KDELR1: variants seen among roughly 807,000 people sequenced by gnomAD.
The protein encoded by KDELR1 is ER lumen protein-retaining receptor 1.
KDELR1 carries 16 observed loss-of-function variants against 25.5 expected under a neutral mutation model. The observed-to-expected ratio is 0.63, with a 90% confidence interval of 0.43 to 0.95. The LOEUF (loss-of-function observed/expected upper bound fraction) is 0.95. Ranked by LOEUF, KDELR1 falls within the 40% of genes least tolerant of loss-of-function variation. KDELR1 has a pLI of 0.00. For missense variants in KDELR1, 159 were observed against 265.2 expected, an observed-to-expected ratio of 0.60 and a Z score of 2.78; for synonymous variants, 121 against 115.0, an observed-to-expected ratio of 1.05 and a Z score of -0.33.
chr19:48,389,815 C>T (rs1970526873), intron 2 of KDELR1, 104 bp from the exon 3 acceptor site: 3 of 1,233,262 alleles, frequency 2.4e-6, no homozygotes, highest in Admixed American at 4.2e-5. Flanking sequence ...GGAGTCCAGA[C>T]CCCCAACCCC....
chr19:48,395,434 T>TCTGGAACA (rs1228949523), upstream of KDELR1, among the ~76,000 whole-genome samples: 1 of 151,972 alleles, frequency 6.6e-6, no homozygotes, highest in African/African-American at 2.4e-5. Flanking sequence ...TCCTCAAGGT[T>TCTGGAACA]CTGGAACACC....
At chr19:48,387,065 A>G (rs77802750) in intron 3 of KDELR1, among the ~76,000 whole-genome samples, 2 of 46,716 alleles carry the variant, frequency 4.3e-5, no homozygotes, top group Non-Finnish European at 8.5e-5. Context: ...AGCAAGACTT[A>G]AAAAAAAAAA....
At position 48,382,995 on chromosome 19, in the gene KDELR1, A is replaced by T. The variant is rs533247441; in HGVS notation, c.*298T>A. 3.1e-5 allele frequency: 14 copies of T among 457,110 alleles called. No individual in the cohort carries two copies. The South Asian group carries it at 3.4e-4, about 11-fold the overall frequency. 28.3% of individuals were successfully genotyped at this position (457,110 alleles called of 1,614,324 possible). On this transcript the variant is annotated 3_prime_UTR_variant, in exon 5 of 5. Coordinates refer to ENST00000330720, the MANE Select transcript of KDELR1 (RefSeq NM_006801.3). Reference sequence around the variant, plus strand: ...CCCGGCCCATAGGACACTCAAAAACACTTTATAAAAATTGGGGCCACAGAG... The same window carrying T: ...CCCGGCCCATAGGACACTCAAAAACTCTTTATAAAAATTGGGGCCACAGAG...
intron 3 of KDELR1, among the ~76,000 whole-genome samples, chr19:48,389,218 C>T (rs1487811308): frequency 5.9e-5 from 9 of 152,120 alleles, no homozygotes; most frequent in South Asian, 4.2e-4. Flanking sequence ...TGCAGTGAGC[C>T]GAGATCATGC....
rs1294671988 is a variant in KDELR1, at chr19:48,384,056, C to T, written c.604+174G>A. Among the ~76,000 whole-genome samples the T allele has an allele frequency of 6.6e-6, 1 of 152,180 alleles. No homozygotes were observed. The highest frequency in any genetic ancestry group is 2.4e-5 in the African/African-American group (1 of 41,438). On this transcript the variant is annotated intron_variant, in intron 4 of 4. Coordinates refer to ENST00000330720, the MANE Select transcript of KDELR1 (RefSeq NM_006801.3). This position sits in a 1 kb window ranked among gnomAD's most constrained non-coding sequence, Gnocchi z 4.6. ...AGAAACTCCTTAGCCCTTAGGGAGG[C>T]AGAGGCTAACGGTCTGAATTCCTAG...
At chr19:48,389,504 C>T (rs1444753365) in intron 3 of KDELR1, 49 bp downstream of exon 3, 2 of 1,609,090 alleles carry the variant, frequency 1.2e-6, no homozygotes, top group East Asian at 4.5e-5. Context: ...GTCATAGCTA[C>T]TCTGCCACAA....
chr19:48,386,317 A>G (rs1970497288), intron 3 of KDELR1, among the ~76,000 whole-genome samples: 1 of 151,926 alleles, frequency 6.6e-6, no homozygotes, highest in African/African-American at 2.4e-5. Flanking sequence ...GGGTTTCACC[A>G]TGTTGGCCAG....
intron 2 of KDELR1, among the ~76,000 whole-genome samples, chr19:48,389,969 A>T (rs560045964): frequency 1.4e-5 from 1 of 72,024 alleles, no homozygotes; most frequent in Non-Finnish European, 2.7e-5. Context: ...CAGGCCCCCA[A>T]CCCCTCCTCC....
Position 48,383,429 on chromosome 19 carries a change from T to A in KDELR1, c.605-102A>T, listed in dbSNP as rs768557183. 41 of 1,025,374 alleles carry A rather than the reference T, an allele frequency of 4.0e-5. 1 individual carries two copies. Among genetic ancestry groups the A allele is most frequent in the South Asian group, 3.7e-4 (27 of 73,284 alleles). 63.5% of individuals were successfully genotyped at this position (1,025,374 alleles called of 1,614,324 possible). A position where few individuals can be genotyped will look rare whatever the true frequency, so the allele number is the denominator to read the frequency against. ...AGGGCAGGCACGCTAGATGGGCAGA[T>A]CCACAGGGAGGGAGGTCCCCCAGGA... is the stretch of plus-strand genomic sequence containing the variant. On this transcript the variant is annotated intron_variant, in intron 4 of 4. Coordinates refer to ENST00000330720, the MANE Select transcript of KDELR1 (RefSeq NM_006801.3).
At chr19:48,383,811 T>G (rs1428274811) in intron 4 of KDELR1, among the ~76,000 whole-genome samples, 1 of 152,116 alleles carries the variant, frequency 6.6e-6, no homozygotes, top group Non-Finnish European at 1.5e-5. Context: ...AACTAATTCT[T>G]TCTTTACTTG....
chr19:48,390,541 GAGAA>G lies in KDELR1; in HGVS notation c.92-21_92-18del, dbSNP rs1970537748. On this transcript the variant is annotated intron_variant, in intron 1 of 4. Transcript: ENST00000330720. The stretch of plus-strand genomic sequence containing the variant: ...CTGAAATTCCTGTGGTCCAGAGACA[GAGAA>G]AGAGAGAGAGAGAGAGACAGAGAGA... 4 of 1,526,746 alleles carry G rather than the reference GAGAA, an allele frequency of 2.6e-6. No homozygotes were observed. Among genetic ancestry groups the G allele is most frequent in the Middle Eastern group, 1.7e-4 (1 of 5,840 alleles). The allele number at this position is 1,526,746 out of a possible 1,614,324, so 94.6% of individuals were successfully genotyped here.
intron 2 of KDELR1, among the ~76,000 whole-genome samples, 178 bp from the exon 3 acceptor site, chr19:48,389,889 C>G (rs1329955277): frequency 5.6e-5 from 6 of 107,882 alleles, no homozygotes; most frequent in South Asian, 3.4e-4. Context: ...GGAGTCCAGG[C>G]CCCCAACCCC....
Position 48,384,252 on chromosome 19 carries a change from G to A in KDELR1, c.582C>T (p.Phe194=), listed in dbSNP as rs117156037. The change falls in exon 4 of 5, where the codon TTC becomes TTT. Residue 194 remains phenylalanine (F), a synonymous_variant. Coordinates refer to ENST00000330720, the MANE Select transcript of KDELR1 (RefSeq NM_006801.3). The surrounding 1 kb of genome is among the most constrained non-coding windows in gnomAD (Gnocchi z 4.6). ...TACCTTTGGTGATATAGAGGTAGAA[G>A]AAATCGCAGTAGAGGACTGTCTGGA... ...GLVQTVLYCD[F]FYLYITKVLK... 22 of 1,614,216 alleles carry A rather than the reference G, an allele frequency of 1.4e-5. No homozygotes were observed. The East Asian group carries it at 4.7e-4, about 34-fold the overall frequency.
Position 48,384,944 on chromosome 19 carries a change from T to A in KDELR1, c.352-462A>T, listed in dbSNP as rs975670778. ...CTCTGTCACCCAGGCTGGAGTGCCA[T>A]GGGGTGATCTCGGCTCACTGCAACC... is the stretch of plus-strand genomic sequence containing the variant. On this transcript the variant is annotated intron_variant, in intron 3 of 4. Coordinates refer to ENST00000330720, the MANE Select transcript of KDELR1 (RefSeq NM_006801.3). This position sits in a 1 kb window ranked among gnomAD's most constrained non-coding sequence, Gnocchi z 4.6. 6.6e-6 allele frequency among the ~76,000 whole-genome samples: 1 copy of A among 150,474 alleles called. No homozygotes were observed. Among genetic ancestry groups the A allele is most frequent in the Non-Finnish European group, 1.5e-5 (1 of 67,796 alleles).
chr19:48,396,708 A>G, the KDELR1 span, among the ~76,000 whole-genome samples: 3 of 151,710 alleles, frequency 2.0e-5, no homozygotes, highest in Non-Finnish European at 4.4e-5. Flanking sequence ...ATCTCTGGGA[A>G]GGTGAGGTGG....
Position 48,382,952 on chromosome 19 carries a change from A to C in KDELR1, c.*341T>G. On this transcript the variant is annotated 3_prime_UTR_variant, in exon 5 of 5. Coordinates refer to ENST00000330720, the MANE Select transcript of KDELR1 (RefSeq NM_006801.3). Reference sequence around the variant, plus strand: ...GGAGCCGAGGGGCCTGGGGAAGGGAAAAGATCTTGGACCCTGCCCCGGCCC... The same window carrying C: ...GGAGCCGAGGGGCCTGGGGAAGGGACAAGATCTTGGACCCTGCCCCGGCCC... 2.4e-5 allele frequency: 6 copies of C among 254,088 alleles called. No individual in the cohort carries two copies. Among genetic ancestry groups the C allele is most frequent in the Non-Finnish European group, 3.0e-5 (4 of 131,428 alleles). The allele number at this position is 254,088 out of a possible 1,614,324, so 15.7% of individuals were successfully genotyped here. A position where few individuals can be genotyped will look rare whatever the true frequency, so the allele number is the denominator to read the frequency against.
In KDELR1 at chr19:48,386,127, T is replaced by C. The variant is rs959600866; in HGVS notation, c.352-1645A>G. Among the ~76,000 whole-genome samples, 9 of 151,522 alleles carry C rather than the reference T, an allele frequency of 5.9e-5. 1 individual carries two copies. The South Asian group carries it at 8.4e-4, about 14-fold the overall frequency. On this transcript the variant is annotated intron_variant, in intron 3 of 4. Coordinates refer to ENST00000330720, the MANE Select transcript of KDELR1 (RefSeq NM_006801.3). ...GTCTGTTGCTTTTTTTTTTTTTTTT[T>C]CCTGAGGCCGAGTTTCACTCTTGTC...
chr19:48,393,620 G>C (rs1024200516), upstream of KDELR1, among the ~76,000 whole-genome samples: 15 of 152,266 alleles, frequency 9.9e-5, no homozygotes, highest in East Asian at 2.9e-3. The surrounding 1 kb of genome is among the most constrained non-coding windows in gnomAD (Gnocchi z 5.6). Context: ...CAGGAGGGGG[G>C]GCTGTGGGTC....
upstream of KDELR1, among the ~76,000 whole-genome samples, chr19:48,395,562 G>C (rs141529782): frequency 8.7e-4 from 132 of 152,110 alleles, 1 homozygote; most frequent in African/African-American, 3.0e-3. Context: ...TCGAGGTTGT[G>C]GGGGGAGCTG....
Sources: allele counts gnomAD v4.1 joint callset (sites outside exome capture counted in the v4.1 genomes callset), GRCh38; gene constraint gnomAD v4.1.1; non-coding constraint Gnocchi (gnomAD v3.1); transcripts MANE v1.5; gene names NCBI Gene and HGNC (gene_info 2026-07-23, HGNC 2026-07-21).